ZNF726: variants seen among roughly 807,000 people sequenced by gnomAD.
ZNF726 encodes zinc finger protein 726.
ZNF726 carries 15 observed loss-of-function variants against 11.6 expected under a neutral mutation model. The observed-to-expected ratio is 1.29, with a 90% CI of 0.86 to 1.99. ZNF726 has a LOEUF of 1.99. ZNF726 is among the 30% of genes most tolerant of loss of function. ZNF726 has a pLI of 0.00. For missense variants in ZNF726, 890 were observed against 725.6 expected, an observed-to-expected ratio of 1.23 and a Z score of -2.60; for synonymous variants, 295 against 243.6, an observed-to-expected ratio of 1.21 and a Z score of -1.96.
At position 23,932,403 on chromosome 19, in the gene ZNF726, A is replaced by G. The variant is rs749174986; in HGVS notation, c.287A>G (p.Gln96Arg). The change falls in exon 4 of 4, where the codon CAA (glutamine) becomes CGA (arginine). Residue 96 changes from glutamine (Q) to arginine (R), a missense_variant. Gln to Arg is a conservative substitution (Grantham distance 43). Transcript: ENST00000594466. ...WPEQGVEDSF[Q>R]KVILRRFEKC... ...GAGCAGGGCGTGGAAGATTCTTTTC[A>G]AAAAGTAATACTAAGAAGATTTGAA... The G allele has an allele frequency of 2.6e-6, 4 of 1,531,070 alleles. No homozygotes were observed. Among genetic ancestry groups the G allele is most frequent in the South Asian group, 1.4e-5 (1 of 72,862 alleles). 94.8% of individuals were successfully genotyped at this position (1,531,070 alleles called of 1,614,324 possible). A position where few individuals can be genotyped will look rare whatever the true frequency, so the allele number is the denominator to read the frequency against.
At chr19:23,926,283 G>A (rs577174597) in intron 3 of ZNF726, among the ~76,000 whole-genome samples, 176 of 152,094 alleles carry the variant, frequency 1.2e-3, no homozygotes, top group Non-Finnish European at 2.0e-3. Context: ...GGTCGGGTGC[G>A]GTGGCTCATG....
intron 3 of ZNF726, 69 bp from the exon 4 acceptor site, chr19:23,932,274 A>T: frequency 8.8e-7 from 1 of 1,134,352 alleles, no homozygotes; most frequent in Non-Finnish European, 1.1e-6. Flanking sequence ...ATAATTTTAT[A>T]GGTAAGATTT....
chr19:23,937,141 A>G (rs1315593788), downstream of ZNF726, among the ~76,000 whole-genome samples: 1 of 115,952 alleles, frequency 8.6e-6, no homozygotes, highest in Non-Finnish European at 1.8e-5. Context: ...GGGGGGGCTG[A>G]CCCCCCCACC....
chr19:23,938,599 CTTTTTTTTTTCCTTT>C (rs1382303423), downstream of ZNF726, among the ~76,000 whole-genome samples: 1 of 137,124 alleles, frequency 7.3e-6, no homozygotes, highest in African/African-American at 2.7e-5. Context: ...GTTTTTTTTT[CTTTTTTTTTTCCTTT>C]TTTTTTTTTT....
chr19:23,927,988 G>T (rs556386876), intron 3 of ZNF726: 10 of 152,170 alleles, frequency 6.6e-5, no homozygotes, highest in Admixed American at 5.9e-4. Context: ...GAGACCTGGT[G>T]GGAGGTGTTT....
At chr19:23,923,241 G>T (rs879829612) in intron 3 of ZNF726, among the ~76,000 whole-genome samples, 9 of 151,720 alleles carry the variant, frequency 5.9e-5, no homozygotes, top group Non-Finnish European at 1.2e-4. Flanking sequence ...TCTAAACTTG[G>T]ATTACAGTAG....
chr19:23,932,558 G>A lies in ZNF726; in HGVS notation c.442G>A (p.Gly148Ser). 6.3e-7 allele frequency: 1 copy of A among 1,585,326 alleles called. No individual in the cohort carries two copies. Among genetic ancestry groups the A allele is most frequent in the Admixed American group, 1.8e-5 (1 of 54,544 alleles). ...TTTQGKASQC[G>S]KYLKVFYKFI... is the part of the protein sequence containing the mutation. ...TACCCAGGGCAAAGCTTCTCAATGT[G>A]GTAAATATTTGAAAGTCTTTTATAA... The change falls in exon 4 of 4, where the codon GGT (glycine) becomes AGT (serine). Residue 148 changes from glycine to serine, a missense_variant. Gly to Ser is a moderately conservative substitution (Grantham distance 56, BLOSUM62 0). Transcript: ENST00000594466.
rs751639302 is a variant in ZNF726, at chr19:23,933,338, C to A, written c.1222C>A (p.Arg408=). Residue 408 remains arginine, a synonymous_variant, in exon 4 of 4, where the codon CGA becomes AGA. Transcript: ENST00000594466. ...TGAAGAATGTGGCAAAGCTTTTCAT[C>A]GATCCTCAAATCTTACTAAACATAA... ...KCEECGKAFH[R]SSNLTKHKII... is the part of the protein sequence containing the mutation. 1 of 1,611,656 alleles carries A rather than the reference C, an allele frequency of 6.2e-7. No individual in the cohort carries two copies.
In ZNF726 at chr19:23,933,739, ATG is replaced by A; in HGVS notation, c.1626_1627del (p.Cys542TrpfsTer5). 6.2e-7 allele frequency: 1 copy of A among 1,612,294 alleles called. No homozygotes were observed. Among genetic ancestry groups the A allele is most frequent in the Non-Finnish European group, 8.5e-7 (1 of 1,179,912 alleles). On this transcript the variant is annotated frameshift_variant, in exon 4 of 4. Coordinates refer to ENST00000594466, the MANE Select transcript of ZNF726 (RefSeq NM_001244038.2). LOFTEE classifies it low-confidence loss of function (END_TRUNC). ...TGEKPYKCEE[C>X]GKTFNQSSNL... ...GAGAGAAACCCTACAAATGTGAAGA[ATG>A]TGGCAAAACTTTTAATCAATCCTCA... is the stretch of plus-strand genomic sequence containing the variant.
downstream of ZNF726, among the ~76,000 whole-genome samples, chr19:23,936,445 A>T (rs938029768): frequency 6.6e-5 from 10 of 152,184 alleles, no homozygotes; most frequent in African/African-American, 2.4e-4. Flanking sequence ...TAAACTCTTA[A>T]ATTACTTCAT....
intron 3 of ZNF726, among the ~76,000 whole-genome samples, chr19:23,923,268 A>AATAGCAT (rs1189266071): frequency 6.6e-6 from 1 of 152,136 alleles, no homozygotes; most frequent in East Asian, 1.9e-4. Context: ...TTTGTGTAAA[A>AATAGCAT]ATAGCATATA....
intron 3 of ZNF726, among the ~76,000 whole-genome samples, chr19:23,925,354 C>T (rs1430385192): frequency 6.6e-6 from 1 of 151,860 alleles, no homozygotes; most frequent in Non-Finnish European, 1.5e-5. Context: ...ACAATCAACC[C>T]AACTAACTTT....
intron 3 of ZNF726, among the ~76,000 whole-genome samples, chr19:23,941,838 TG>T (rs1968343602): frequency 6.6e-6 from 1 of 152,198 alleles, no homozygotes; most frequent in Admixed American, 6.5e-5. Flanking sequence ...CATTTCTCAG[TG>T]AGGTTATTTG....
chr19:23,915,037 G>A, intron 1 of ZNF726, 40 bp downstream of exon 1: 1 of 1,613,768 alleles, frequency 6.2e-7, no homozygotes, highest in African/African-American at 1.3e-5. Context: ...GAGGGAACGG[G>A]GCTGGCTGGA....
intron 1 of ZNF726, among the ~76,000 whole-genome samples, chr19:23,916,763 A>G (rs1200385884): frequency 1.3e-5 from 2 of 151,936 alleles, no homozygotes; most frequent in Non-Finnish European, 2.9e-5. Flanking sequence ...CTTTTATTTT[A>G]CCTAGTCACA....
intron 3 of ZNF726, 44 bp from the exon 4 acceptor site, chr19:23,932,299 T>C (rs1317565529): frequency 1.4e-5 from 17 of 1,233,182 alleles, no homozygotes; most frequent in Non-Finnish European, 1.7e-5. Flanking sequence ...ACTATATTTA[T>C]GTCAGTATAG....
In ZNF726 at chr19:23,932,424, T is replaced by A. The variant is rs1316852332; in HGVS notation, c.308T>A (p.Phe103Tyr). The A allele has an allele frequency of 1.3e-6, 2 of 1,563,288 alleles. No individual in the cohort carries two copies. The highest frequency in any genetic ancestry group is 3.9e-5 in the Admixed American group (2 of 51,912). Residue 103 changes from phenylalanine (F) to tyrosine (Y), a missense_variant, in exon 4 of 4, where the codon TTT becomes TAT. Physicochemically the swap from Phe to Tyr is conservative, Grantham distance 22. Coordinates refer to ENST00000594466, the MANE Select transcript of ZNF726 (RefSeq NM_001244038.2). ...DSFQKVILRR[F>Y]EKCGHENLQL... ...TTTCAAAAAGTAATACTAAGAAGAT[T>A]TGAAAAATGTGGACATGAGAATTTA... is the stretch of plus-strand genomic sequence containing the variant.
intron 1 of ZNF726, 29 bp from the exon 2 acceptor site, chr19:23,919,344 A>T (rs771459446): frequency 6.3e-7 from 1 of 1,594,566 alleles, no homozygotes; most frequent in East Asian, 2.3e-5. Context: ...GCCACTTTGT[A>T]AATATGTGTG....
chr19:23,923,484 TCACTG>T (rs1384025279), intron 3 of ZNF726: 7 of 316,410 alleles, frequency 2.2e-5, no homozygotes, highest in African/African-American at 9.3e-5. Flanking sequence ...TGATCTTGGC[TCACTG>T]CAACCTCCGC....
Sources: gnomAD v4.1 joint callset for allele counts (sites outside exome capture counted in the v4.1 genomes callset) on GRCh38, gnomAD v4.1.1 for gene constraint, MANE v1.5 for transcripts, NCBI Gene and HGNC (gene_info 2026-07-23, HGNC 2026-07-21) for gene names.